The following PTPRD variants were observed in gnomAD, a reference collection of about 807,000 sequenced individuals.
PTPRD encodes the protein protein tyrosine phosphatase receptor type D, also known as receptor-type tyrosine-protein phosphatase delta.
Under a neutral mutation model 214.5 loss-of-function variants are expected in PTPRD, and 34 were observed. The observed-to-expected ratio is 0.16, with a 90% CI of 0.12 to 0.21. PTPRD has a LOEUF of 0.21. PTPRD is among the 10% of genes least tolerant of loss of function. PTPRD has a pLI of 1.00. For missense variants in PTPRD, 2,545 were observed against 2,398.7 expected, an observed-to-expected ratio of 1.06 and a Z score of -1.27; for synonymous variants, 1,128 against 845.7, an observed-to-expected ratio of 1.33 and a Z score of -5.79.
chr9:9,575,761 GAAAA>G (rs1403621384), intron 7 of PTPRD, among the ~76,000 whole-genome samples: 4 of 71,606 alleles, frequency 5.6e-5, no homozygotes, highest in African/African-American at 2.1e-4. Context: ...GAAAGAAAAA[GAAAA>G]AAAGAAAAAG....
At chr9:9,834,806 G>A (rs760004794) in intron 5 of PTPRD, among the ~76,000 whole-genome samples, 9 of 151,874 alleles carry the variant, frequency 5.9e-5, no homozygotes, top group Non-Finnish European at 1.0e-4. Context: ...TGCTAAAGAG[G>A]GACACTAGAT....
intron 10 of PTPRD, among the ~76,000 whole-genome samples, chr9:9,035,522 A>T (rs967685387): frequency 2.0e-5 from 3 of 151,854 alleles, no homozygotes; most frequent in Admixed American, 2.0e-4. Flanking sequence ...CCAAGTTATA[A>T]ACCTCCCTCC....
rs187288692 is a variant in PTPRD at position 9,460,975 on chromosome 9, T to A, written c.-236-63493A>T. ...AAGAAAATGTGGTATAAATACACCATGGAATACTATGAAGTCATTAAAAAG... is the reference window on the plus strand; with the variant it reads ...AAGAAAATGTGGTATAAATACACCAAGGAATACTATGAAGTCATTAAAAAG... On this transcript the variant is annotated intron_variant, in intron 8 of 45. Transcript: ENST00000381196. Among the ~76,000 whole-genome samples, 7 of 152,210 alleles carry A rather than the reference T, an allele frequency of 4.6e-5. No individual in the cohort carries two copies. In the East Asian group the frequency reaches 1.4e-3, roughly 29 times the overall value.
At chr9:9,079,609 G>A (rs2099756178) in intron 10 of PTPRD, among the ~76,000 whole-genome samples, 1 of 151,554 alleles carries the variant, frequency 6.6e-6, no homozygotes, top group African/African-American at 2.4e-5. Context: ...TTTACAATTG[G>A]ACTGGGGCCT....
At position 10,028,527 on chromosome 9, in the gene PTPRD, G is replaced by C. The variant is rs1296553533; in HGVS notation, c.-472+5191C>G. Reference sequence around the variant, plus strand: ...TGGCTTTGACCAAAATGCTGATAATGATATGGATAATGAAATCCAGACTGA... The same window carrying C: ...TGGCTTTGACCAAAATGCTGATAATCATATGGATAATGAAATCCAGACTGA... On this transcript the variant is annotated intron_variant, in intron 4 of 45. Transcript: ENST00000381196. 7.2e-5 allele frequency among the ~76,000 whole-genome samples: 11 copies of C among 152,272 alleles called. No individual in the cohort carries two copies. In the East Asian group the frequency reaches 1.4e-3, roughly 19 times the overall value.
chr9:8,991,893 A>G (rs1030355136), intron 11 of PTPRD, among the ~76,000 whole-genome samples: 1 of 151,920 alleles, frequency 6.6e-6, no homozygotes, highest in Non-Finnish European at 1.5e-5. Flanking sequence ...AGAAATGGCA[A>G]TTAGCTAGGA....
In PTPRD at chr9:8,503,914, A is replaced by G. The variant is rs543200844; in HGVS notation, c.1822+347T>C. ...CCTCTTTCATTTGCGAAGCCCTCCTATGATTATTTTACAGGGTTCTCAATG... is the reference window on the plus strand; with the variant it reads ...CCTCTTTCATTTGCGAAGCCCTCCTGTGATTATTTTACAGGGTTCTCAATG... On this transcript the variant is annotated intron_variant, in intron 23 of 45. Coordinates refer to ENST00000381196, the MANE Select transcript of PTPRD (RefSeq NM_002839.4). Among the ~76,000 whole-genome samples, 76 of 152,270 alleles carry G rather than the reference A, an allele frequency of 5.0e-4. No homozygotes were observed. In the South Asian group the frequency reaches 8.9e-3, roughly 18 times the overall value.
At chr9:8,527,557 C>T (rs774778896) in intron 15 of PTPRD, among the ~76,000 whole-genome samples, 9 of 151,978 alleles carry the variant, frequency 5.9e-5, no homozygotes, top group Admixed American at 2.6e-4. Context: ...GTTAACAAGA[C>T]GCTTTAACAT....
intron 11 of PTPRD, among the ~76,000 whole-genome samples, chr9:8,747,502 TA>T (rs945816810): frequency 6.6e-6 from 1 of 150,696 alleles, no homozygotes; most frequent in Non-Finnish European, 1.5e-5. Context: ...GAAAGGGAAA[TA>T]AAAAGGAACC....
chr9:9,145,777 T>C (rs1171040734), intron 10 of PTPRD, among the ~76,000 whole-genome samples: 1 of 152,226 alleles, frequency 6.6e-6, no homozygotes, highest in African/African-American at 2.4e-5. Context: ...ACTATGGCCA[T>C]ATACTTTTTC....
chr9:9,307,346 G>A (rs1156764975), intron 9 of PTPRD, among the ~76,000 whole-genome samples: 1 of 152,132 alleles, frequency 6.6e-6, no homozygotes, highest in Non-Finnish European at 1.5e-5. Flanking sequence ...CTTAGAAAGT[G>A]AAGAAACCTT....
intron 9 of PTPRD, among the ~76,000 whole-genome samples, chr9:9,313,075 TG>T (rs1424924001): frequency 2.6e-5 from 4 of 152,170 alleles, no homozygotes; most frequent in Non-Finnish European, 4.4e-5. Flanking sequence ...TTGATGCATT[TG>T]GGGTCTTTAT....
At chr9:9,125,320 C>T (rs1302837337) in intron 10 of PTPRD, among the ~76,000 whole-genome samples, 1 of 152,288 alleles carries the variant, frequency 6.6e-6, no homozygotes, top group East Asian at 1.9e-4. Flanking sequence ...GATATTTCTA[C>T]CATTAAAGCC....
chr9:8,595,537 A>C (rs528711747), intron 14 of PTPRD, among the ~76,000 whole-genome samples: 18 of 152,314 alleles, frequency 1.2e-4, no homozygotes, highest in African/African-American at 4.3e-4. Context: ...TAGTCACATA[A>C]TCTTTCATAT....
At chr9:10,140,248 T>C (rs1022355274) in intron 3 of PTPRD, among the ~76,000 whole-genome samples, 3 of 150,476 alleles carry the variant, frequency 2.0e-5, no homozygotes, top group African/African-American at 7.3e-5. Flanking sequence ...AAAAAACAAA[T>C]AACCCCATGA....
intron 14 of PTPRD, among the ~76,000 whole-genome samples, chr9:8,592,827 A>G (rs2094212450): frequency 6.6e-6 from 1 of 152,238 alleles, no homozygotes; most frequent in Admixed American, 6.5e-5. Context: ...TATAGACTCA[A>G]CGAGAAGATA....
intron 3 of PTPRD, among the ~76,000 whole-genome samples, chr9:10,209,371 C>G (rs772064528): frequency 6.6e-6 from 1 of 152,066 alleles, no homozygotes; most frequent in Non-Finnish European, 1.5e-5. Flanking sequence ...GATGACCAAT[C>G]AATCTCATTT....
At chr9:10,145,510 T>C (rs1403186027) in intron 3 of PTPRD, among the ~76,000 whole-genome samples, 2 of 152,170 alleles carry the variant, frequency 1.3e-5, no homozygotes, top group Admixed American at 6.6e-5. Flanking sequence ...GTTCTCTACC[T>C]TACTTTATTG....
intron 2 of PTPRD, among the ~76,000 whole-genome samples, chr9:10,437,870 T>C (rs567178123): frequency 2.7e-5 from 4 of 150,786 alleles, no homozygotes; most frequent in Non-Finnish European, 4.4e-5. Context: ...ATAGTGTCAG[T>C]AGATGAGGCC....
Sources: gnomAD v4.1 joint callset for allele counts (sites outside exome capture counted in the v4.1 genomes callset) on GRCh38, gnomAD v4.1.1 for gene constraint, MANE v1.5 for transcripts, NCBI Gene and HGNC (gene_info 2026-07-23, HGNC 2026-07-21) for gene names.